SHOC1: variants seen among roughly 807,000 people sequenced by gnomAD.
The protein encoded by SHOC1 is shortage in chiasmata 1.
Under a neutral mutation model 179.2 loss-of-function variants are expected in SHOC1, and 136 were observed. That is an observed-to-expected ratio of 0.76 (90% confidence interval 0.66 to 0.87). The LOEUF is 0.87. Ranked by LOEUF, SHOC1 falls within the 40% of genes least tolerant of loss-of-function variation. SHOC1 has a pLI of 0.00. For missense variants in SHOC1, 1,538 were observed against 1,700.8 expected, an observed-to-expected ratio of 0.90 and a Z score of 1.68; for synonymous variants, 489 against 586.6, an observed-to-expected ratio of 0.83 and a Z score of 2.41.
At chr9:111,686,939 C>CTTTTTTTTTTTTTTTT (rs10537471) in intron 27 of SHOC1, 69 bp from the exon 28 acceptor site, 2 of 498,932 alleles carry the variant, frequency 4.0e-6, no homozygotes, top group Non-Finnish European at 6.3e-6. Flanking sequence ...TTTTCTTTTC[C>CTTTTTTTTTTTTTTTT]TTTTTTTTTT....
rs10981067 is a variant in SHOC1 at position 111,776,602 on chromosome 9, C to T, written c.258-627G>A. On this transcript the variant is annotated intron_variant, in intron 4 of 27. Coordinates refer to ENST00000682961, the MANE Select transcript of SHOC1 (RefSeq NM_001378211.1). ...ACCAAGATTCCTTGTTCTCTGGCTT[C>T]TAGATGGGTTCAGCCATGGAAAGCA... Among the ~76,000 whole-genome samples, 40 of 152,300 alleles carry T rather than the reference C, an allele frequency of 2.6e-4. No homozygotes were observed. In the East Asian group the frequency reaches 7.3e-3, roughly 28 times the overall value.
chr9:111,734,878 A>G (rs1314329786), intron 12 of SHOC1, among the ~76,000 whole-genome samples: 1 of 152,168 alleles, frequency 6.6e-6, no homozygotes, highest in Non-Finnish European at 1.5e-5. Context: ...TTACCTGGGT[A>G]TATTGCATGA....
At chr9:111,723,739 A>C (rs1249707894) in intron 14 of SHOC1, 53 bp downstream of exon 14, 1 of 1,564,280 alleles carries the variant, frequency 6.4e-7, no homozygotes, top group African/African-American at 1.4e-5. Flanking sequence ...TATCTAGGAA[A>C]GGACTTTCAA....
intron 3 of SHOC1, among the ~76,000 whole-genome samples, chr9:111,782,724 AC>A (rs1217973878): frequency 1.3e-5 from 2 of 152,026 alleles, no homozygotes; most frequent in African/African-American, 2.4e-5. Flanking sequence ...TAAAAAAAAA[AC>A]AAAAACAAAA....
At chr9:111,790,963 C>T (rs767110221) in intron 2 of SHOC1, among the ~76,000 whole-genome samples, 10 of 152,144 alleles carry the variant, frequency 6.6e-5, no homozygotes, top group African/African-American at 2.4e-4. Flanking sequence ...AGTTGAGCAT[C>T]CTTAATCCAA....
chr9:111,722,386 A>T (rs763778432), intron 15 of SHOC1, 23 bp downstream of exon 15: 1 of 1,562,176 alleles, frequency 6.4e-7, no homozygotes, highest in East Asian at 2.3e-5. Context: ...TTTTTAAATA[A>T]CGTGACTTTT....
chr9:111,728,528 T>C lies in SHOC1; in HGVS notation c.1418-479A>G, dbSNP rs551191108. Among the ~76,000 whole-genome samples the C allele has an allele frequency of 5.9e-5, 9 of 152,346 alleles. No homozygotes were observed. In the South Asian group the frequency reaches 1.9e-3, roughly 32 times the overall value. On this transcript the variant is annotated intron_variant, in intron 12 of 27. Coordinates refer to ENST00000682961, the MANE Select transcript of SHOC1 (RefSeq NM_001378211.1). Reference sequence around the variant, plus strand: ...AACAATAGTTCACATAAGATATGCATATTCTACAAAATAGACGAATCTTGA... The same window carrying C: ...AACAATAGTTCACATAAGATATGCACATTCTACAAAATAGACGAATCTTGA...
At chr9:111,774,682 TTC>T (rs1035892839) in intron 5 of SHOC1, among the ~76,000 whole-genome samples, 7 of 151,540 alleles carry the variant, frequency 4.6e-5, no homozygotes, top group Admixed American at 2.0e-4. Context: ...TAAGAGGAAT[TTC>T]TCTCTCTCTC....
intron 3 of SHOC1, among the ~76,000 whole-genome samples, chr9:111,785,647 G>A (rs1836236654): frequency 6.6e-6 from 1 of 152,032 alleles, no homozygotes; most frequent in Admixed American, 6.6e-5. Flanking sequence ...TAAAACAAAT[G>A]TTTACAATGT....
At chr9:111,701,871 C>A (rs1285577749) in intron 23 of SHOC1, among the ~76,000 whole-genome samples, 2 of 151,990 alleles carry the variant, frequency 1.3e-5, no homozygotes, top group African/African-American at 4.8e-5. Context: ...ATTAAAGCAG[C>A]AATTCTTAGT....
intron 27 of SHOC1, among the ~76,000 whole-genome samples, chr9:111,690,694 A>G (rs1831385524): frequency 6.6e-6 from 1 of 152,226 alleles, no homozygotes; most frequent in South Asian, 2.1e-4. Context: ...GACACAGAAT[A>G]CTTCCCATTA....
At chr9:111,716,558 T>G (rs1316062622) in intron 16 of SHOC1, among the ~76,000 whole-genome samples, 2 of 151,930 alleles carry the variant, frequency 1.3e-5, no homozygotes, top group Non-Finnish European at 2.9e-5. Flanking sequence ...GCCAGGCTAA[T>G]TTTTGAATTT....
At chr9:111,733,404 T>G (rs535373564) in intron 12 of SHOC1, among the ~76,000 whole-genome samples, 17 of 152,346 alleles carry the variant, frequency 1.1e-4, no homozygotes, top group African/African-American at 3.8e-4. Context: ...GGACTCAATT[T>G]GTAAGTCCTG....
intron 15 of SHOC1, among the ~76,000 whole-genome samples, chr9:111,721,430 C>T (rs1321069789): frequency 6.6e-6 from 1 of 152,184 alleles, no homozygotes; most frequent in Non-Finnish European, 1.5e-5. Context: ...ACCTCTGCCT[C>T]CCAGGTTCAA....
Position 111,758,754 on chromosome 9 carries a change from C to T in SHOC1, c.537G>A (p.Leu179=), listed in dbSNP as rs367915062. The T allele has an allele frequency of 1.7e-5, 27 of 1,598,560 alleles. No homozygotes were observed. The highest frequency in any genetic ancestry group is 1.2e-5 in the Non-Finnish European group (14 of 1,174,346). Residue 179 remains leucine (L), a synonymous_variant, in exon 6 of 28, where the codon TTG becomes TTA. Transcript: ENST00000682961. ...TGAAATCTAAAAGAGGATCCTTTAC[C>T]AAAAACAGTTTTAGTCTACTCAAGA... ...PTLLSRLKLF[L]VKDPLLDFKG...
intron 11 of SHOC1, among the ~76,000 whole-genome samples, chr9:111,740,298 T>C (rs1390725377): frequency 6.6e-6 from 1 of 152,200 alleles, no homozygotes; most frequent in Admixed American, 6.5e-5. Flanking sequence ...AAGTTCAAAG[T>C]CTCCAAGGTT....
chr9:111,718,710 A>C (rs1259339333), intron 15 of SHOC1, among the ~76,000 whole-genome samples: 1 of 152,206 alleles, frequency 6.6e-6, no homozygotes, highest in Non-Finnish European at 1.5e-5. Flanking sequence ...TTAAGATAAA[A>C]GTAGAGGATC....
At chr9:111,780,826 A>T in intron 4 of SHOC1, 104 bp downstream of exon 4, 1 of 736,682 alleles carries the variant, frequency 1.4e-6, no homozygotes, top group South Asian at 2.2e-5. Context: ...AAGAAAATCC[A>T]TGAAGAGATA....
intron 2 of SHOC1, 148 bp from the exon 3 acceptor site, chr9:111,786,183 C>G (rs1836251505): frequency 3.7e-6 from 2 of 536,948 alleles, no homozygotes; most frequent in Non-Finnish European, 5.8e-6. Context: ...CATACCTAAT[C>G]CCAGCACTTT....
Sources: allele counts gnomAD v4.1 joint callset (sites outside exome capture counted in the v4.1 genomes callset), GRCh38; gene constraint gnomAD v4.1.1; transcripts MANE v1.5; gene names NCBI Gene and HGNC (gene_info 2026-07-23, HGNC 2026-07-21).